The following SLC9A3 variants were observed in gnomAD, a reference collection of about 807,000 sequenced individuals.
The protein encoded by SLC9A3 is sodium/hydrogen exchanger 3.
In SLC9A3, 37 loss-of-function variants were observed where a neutral mutation model predicts 86.8. The ratio of observed to expected loss-of-function variants is 0.43; its 90% CI spans 0.33 to 0.56. The LOEUF (loss-of-function observed/expected upper bound fraction) is 0.56. SLC9A3 is among the 20% of genes least tolerant of loss of function. SLC9A3 has a pLI of 0.06. For synonymous variants in SLC9A3, 581 were observed against 528.3 expected (o/e 1.10, Z -1.37); for missense variants, 1,011 against 1,171.9 (o/e 0.86, Z 2.00).
At chr5:476,966 A>G (rs1187621405) in intron 11 of SLC9A3, 5 of 527,838 alleles carry the variant, frequency 9.5e-6, no homozygotes, top group African/African-American at 7.6e-5. Context: ...GGACCCCAGC[A>G]TCTGCACATC....
rs1451481068 is a variant in SLC9A3 at position 470,726 on chromosome 5, G to C, written c.*2653C>G. 3.3e-5 allele frequency: 5 copies of C among 152,214 alleles called. No individual in the cohort carries two copies. The highest frequency in any genetic ancestry group is 5.9e-5 in the Non-Finnish European group (4 of 68,020). The allele number at this position is 152,214 out of a possible 1,614,324, so 9.4% of individuals were successfully genotyped here. ...TTAAAATATTTTGATGAAATTCTTT[G>C]CTTTCACAATAGAAGATCAATGGTA... On this transcript the variant is annotated 3_prime_UTR_variant, in exon 17 of 17. Coordinates refer to ENST00000264938, the MANE Select transcript of SLC9A3 (RefSeq NM_004174.4).
intron 1 of SLC9A3, among the ~76,000 whole-genome samples, chr5:507,997 C>T (rs1740692786): frequency 6.6e-6 from 1 of 152,032 alleles, no homozygotes; most frequent in Non-Finnish European, 1.5e-5. Flanking sequence ...ACCCCACAGA[C>T]GCCTGAATCT....
chr5:474,695 A>AGCGTTACATGTGT (rs1560947115), intron 16 of SLC9A3, among the ~76,000 whole-genome samples, 188 bp downstream of exon 16: 15 of 17,384 alleles, frequency 8.6e-4, no homozygotes, highest in African/African-American at 2.4e-3. Flanking sequence ...AGGCGGGGAG[A>AGCGTTACATGTGT]GAGAGAGCGA....
intron 3 of SLC9A3, among the ~76,000 whole-genome samples, chr5:486,547 G>A (rs1579785776): frequency 6.6e-6 from 1 of 152,248 alleles, no homozygotes; most frequent in African/African-American, 2.4e-5. Context: ...TCTCCTCCAG[G>A]GACACCCACA....
At chr5:508,222 C>G (rs1260367567) in intron 1 of SLC9A3, among the ~76,000 whole-genome samples, 1 of 146,522 alleles carries the variant, frequency 6.8e-6, no homozygotes, top group Non-Finnish European at 1.5e-5. Flanking sequence ...CGCAGGCAGA[C>G]GCAGTCCTCA....
chr5:502,452 G>A (rs1334984644), intron 1 of SLC9A3, among the ~76,000 whole-genome samples: 2 of 152,246 alleles, frequency 1.3e-5, no homozygotes, highest in East Asian at 1.9e-4. Flanking sequence ...CGCAGACCCA[G>A]CGGCGCCTAC....
intron 1 of SLC9A3, among the ~76,000 whole-genome samples, chr5:498,142 A>G (rs1308370484): frequency 6.6e-6 from 1 of 151,710 alleles, no homozygotes; most frequent in Non-Finnish European, 1.5e-5. Flanking sequence ...CTCGGCCGCC[A>G]CTTCCGCCCC....
chr5:524,019 G>C, intron 1 of SLC9A3, 93 bp downstream of exon 1: 1 of 848,788 alleles, frequency 1.2e-6, no homozygotes, highest in Non-Finnish European at 1.7e-6. Flanking sequence ...GCGCGGCTCC[G>C]ACCTGATGCG....
chr5:501,811 C>T (rs186324416), intron 1 of SLC9A3, among the ~76,000 whole-genome samples: 6 of 152,236 alleles, frequency 3.9e-5, no homozygotes, highest in Non-Finnish European at 4.4e-5. Context: ...GTCCGCCGTG[C>T]GGCCTGGCAG....
chr5:479,828 T>A lies in SLC9A3; in HGVS notation c.1647+8A>T. On this transcript the variant is annotated splice_region_variant and intron_variant, in intron 10 of 16. Coordinates refer to ENST00000264938, the MANE Select transcript of SLC9A3 (RefSeq NM_004174.4). Reference sequence around the variant, plus strand: ...GCCCCGACCCGGCAGAGCAAGCGGCTCTGCTACCTCAGCCACGTAGCTGAT... The same window carrying A: ...GCCCCGACCCGGCAGAGCAAGCGGCACTGCTACCTCAGCCACGTAGCTGAT... 6.2e-7 allele frequency: 1 copy of A among 1,613,006 alleles called. No individual in the cohort carries two copies. The highest frequency in any genetic ancestry group is 1.1e-5 in the South Asian group (1 of 91,082).
chr5:490,226 C>T (rs10073235), intron 2 of SLC9A3, among the ~76,000 whole-genome samples: 265 of 81,642 alleles, frequency 3.2e-3, no homozygotes, highest in Middle Eastern at 0.025. Context: ...ACCTGGGGAG[C>T]GGCCTGCCCC....
chr5:488,299 G>A lies in SLC9A3; in HGVS notation c.675+17C>T. ...CCCACGGCTCGCCCGCTCTGGAGCG[G>A]TGGCTCCGTTGCTCACCACGGTGAC... On this transcript the variant is annotated intron_variant, in intron 3 of 16. Transcript: ENST00000264938. 6.2e-7 allele frequency: 1 copy of A among 1,611,890 alleles called. No homozygotes were observed.
Position 483,400 on chromosome 5 carries a change from T to C in SLC9A3, c.1015A>G (p.Met339Val). The part of the protein sequence containing the change: ...EQSATTVRYT[M>V]KMLASSAETI... ...TCGGCGCTGCTGGCCAGCATCTTCA[T>C]GGTGTAGCGCACGGTGGTGGCCGAC... The change falls in exon 6 of 17, where the codon ATG becomes GTG. Residue 339 changes from methionine to valine, a missense_variant. By Grantham distance (21) the Met-to-Val change is conservative. Around this residue, in one of 3 missense-constraint regions of SLC9A3, gnomAD observed 565 missense variants for 790.0 expected, o/e 0.72. Coordinates refer to ENST00000264938, the MANE Select transcript of SLC9A3 (RefSeq NM_004174.4). 1.9e-6 allele frequency: 3 copies of C among 1,580,020 alleles called. No individual in the cohort carries two copies. The highest frequency in any genetic ancestry group is 2.6e-6 in the Non-Finnish European group (3 of 1,163,376).
rs1738413824 is a variant in SLC9A3, at chr5:472,451, C to G, written c.*928G>C. The stretch of plus-strand genomic sequence containing the variant: ...TGGCCGTGATTCTTGGCAAGCTCCG[C>G]CCGCCAGGCCACCTCTCACCCAGCC... On this transcript the variant is annotated 3_prime_UTR_variant, in exon 17 of 17. Coordinates refer to ENST00000264938, the MANE Select transcript of SLC9A3 (RefSeq NM_004174.4). 8 of 333,008 alleles carry G rather than the reference C, an allele frequency of 2.4e-5. No individual in the cohort carries two copies. Among genetic ancestry groups the G allele is most frequent in the South Asian group, 1.1e-4 (5 of 46,564 alleles). The allele number at this position is 333,008 out of a possible 1,614,324, so 20.6% of individuals were successfully genotyped here.
In SLC9A3 at chr5:491,663, G is replaced by T; in HGVS notation, c.514+106C>A. ...CCACGTTTCTCACCTGACACTTACC[G>T]CCTGGAGGCCAGGGTGCGGCACCCC... On this transcript the variant is annotated intron_variant, in intron 2 of 16. Transcript: ENST00000264938. This position sits in a 1 kb window ranked among gnomAD's most constrained non-coding sequence, Gnocchi z 9.2. 1.9e-6 allele frequency: 2 copies of T among 1,057,002 alleles called. No individual in the cohort carries two copies. The highest frequency in any genetic ancestry group is 2.7e-6 in the Non-Finnish European group (2 of 751,904). 65.5% of individuals were successfully genotyped at this position (1,057,002 alleles called of 1,614,324 possible). A position where few individuals can be genotyped will look rare whatever the true frequency, so the allele number is the denominator to read the frequency against.
rs1042002012 is a variant in SLC9A3 at position 475,585 on chromosome 5, C to T, written c.2227G>A (p.Asp743Asn). The part of the protein sequence containing the change: ...GIEFLASVTK[D>N]TASDSPAGID... ...CCTGCAGGGGAGTCGGACGCTGTGTCCTTGGTGACACTAGCCAGGAACTCG... is the reference window on the plus strand; with the variant it reads ...CCTGCAGGGGAGTCGGACGCTGTGTTCTTGGTGACACTAGCCAGGAACTCG... The change falls in exon 15 of 17, where the codon GAC becomes AAC. Residue 743 changes from aspartate (D) to asparagine (N), a missense_variant. This residue lies in a region of SLC9A3 where 397 missense variants were observed against 346.3 expected (regional missense o/e 1.15). Coordinates refer to ENST00000264938, the MANE Select transcript of SLC9A3 (RefSeq NM_004174.4). The T allele has an allele frequency of 3.9e-6, 6 of 1,550,882 alleles. No individual in the cohort carries two copies. The highest frequency in any genetic ancestry group is 3.5e-6 in the Non-Finnish European group (4 of 1,145,926).
intron 16 of SLC9A3, among the ~76,000 whole-genome samples, chr5:473,719 C>T (rs1026914349): frequency 2.0e-5 from 3 of 152,162 alleles, no homozygotes; most frequent in Admixed American, 2.0e-4. Flanking sequence ...TCTCAAACCG[C>T]CCTGGCGTCC....
rs1333820651 is a variant in SLC9A3, at chr5:475,904, G to A, written c.2140+116C>T. Reference sequence around the variant, plus strand: ...CTGACCATGCCTCCCCTGCCTGGGTGGCTGGAGGGTCCCCAGAGGGGAAGG... The same window carrying A: ...CTGACCATGCCTCCCCTGCCTGGGTAGCTGGAGGGTCCCCAGAGGGGAAGG... On this transcript the variant is annotated intron_variant, in intron 14 of 16. Coordinates refer to ENST00000264938, the MANE Select transcript of SLC9A3 (RefSeq NM_004174.4). The A allele has an allele frequency of 4.3e-6, 4 of 924,468 alleles. No homozygotes were observed. In the East Asian group the frequency reaches 1.1e-4, roughly 24 times the overall value. The allele number at this position is 924,468 out of a possible 1,614,324, so 57.3% of individuals were successfully genotyped here. A position where few individuals can be genotyped will look rare whatever the true frequency, so the allele number is the denominator to read the frequency against.
chr5:509,118 A>G (rs1440812889), intron 1 of SLC9A3, among the ~76,000 whole-genome samples: 1 of 151,378 alleles, frequency 6.6e-6, no homozygotes, highest in Admixed American at 6.6e-5. Flanking sequence ...AAAAAAAAAA[A>G]AAATTATCTC....
Sources: allele counts gnomAD v4.1 joint callset (sites outside exome capture counted in the v4.1 genomes callset), GRCh38; gene constraint gnomAD v4.1.1; regional missense constraint gnomAD v4.1.1; non-coding constraint Gnocchi (gnomAD v3.1); transcripts MANE v1.5; gene names NCBI Gene and HGNC (gene_info 2026-07-23, HGNC 2026-07-21).